The following FARS2 variants were observed in gnomAD, a reference collection of about 807,000 sequenced individuals.
The protein encoded by FARS2 is phenylalanyl-tRNA synthetase 2, mitochondrial, also known as phenylalanine--tRNA ligase, mitochondrial.
Under a neutral mutation model 46.4 loss-of-function variants are expected in FARS2, and 40 were observed. The ratio of observed to expected loss-of-function variants is 0.86; its 90% CI spans 0.67 to 1.12. FARS2 has a LOEUF of 1.12. FARS2 is among the 50% of genes most tolerant of loss of function. FARS2 has a pLI of 0.00. For missense variants in FARS2, 513 were observed against 567.9 expected (o/e 0.90, Z 0.98); for synonymous variants, 234 against 214.9 (o/e 1.09, Z -0.78).
intron 5 of FARS2, among the ~76,000 whole-genome samples, chr6:5,547,194 T>C (rs1225368296): frequency 1.6e-4 from 25 of 151,898 alleles, no homozygotes; most frequent in Non-Finnish European, 2.5e-4. Flanking sequence ...TCAGGTGATC[T>C]GCCCATCTTG....
chr6:5,668,686 G>GTTTTTTTTTTTTTTTTTTTTTTTTTT (rs58819474), intron 6 of FARS2, among the ~76,000 whole-genome samples: 1 of 53,404 alleles, frequency 1.9e-5, no homozygotes, highest in African/African-American at 6.8e-5. Flanking sequence ...GTGTGTTTGG[G>GTTTTTTTTTTTTTTTTTTTTTTTTTT]TTTTTTTTTT....
At chr6:5,351,741 G>A (rs574162008) in intron 1 of FARS2, among the ~76,000 whole-genome samples, 27 of 152,316 alleles carry the variant, frequency 1.8e-4, no homozygotes, top group South Asian at 1.4e-3. Context: ...ATCATGAGAT[G>A]TGAGTAATTT....
chr6:5,302,443 G>A (rs17140150), intron 1 of FARS2, among the ~76,000 whole-genome samples: 1,865 of 152,162 alleles, frequency 0.012, 46 homozygotes, highest in African/African-American at 0.042. Context: ...GGATGACATA[G>A]GCTAATCAAG....
At chr6:5,694,588 C>G (rs1396256871) in intron 6 of FARS2, among the ~76,000 whole-genome samples, 1 of 151,988 alleles carries the variant, frequency 6.6e-6, no homozygotes, top group East Asian at 1.9e-4. Context: ...GATAAGAGAC[C>G]GAGTGTGAAT....
intron 1 of FARS2, among the ~76,000 whole-genome samples, chr6:5,299,319 T>G (rs985327547): frequency 6.6e-6 from 1 of 152,244 alleles, no homozygotes; most frequent in Non-Finnish European, 1.5e-5. Flanking sequence ...ACACTTACCC[T>G]TATTATTAAA....
chr6:5,489,662 T>C (rs1766984536), intron 4 of FARS2, among the ~76,000 whole-genome samples: 1 of 152,166 alleles, frequency 6.6e-6, no homozygotes, highest in Admixed American at 6.5e-5. Flanking sequence ...TTCTGGGCTT[T>C]ATCACTCTTT....
chr6:5,692,249 A>T (rs1757788062), intron 6 of FARS2, among the ~76,000 whole-genome samples: 1 of 152,184 alleles, frequency 6.6e-6, no homozygotes, highest in African/African-American at 2.4e-5. Flanking sequence ...CTCAGTTGGA[A>T]ATGCAGAAAT....
At chr6:5,351,670 G>T (rs1476938436) in intron 1 of FARS2, among the ~76,000 whole-genome samples, 39 of 152,018 alleles carry the variant, frequency 2.6e-4, no homozygotes. Flanking sequence ...TCCTTTATGA[G>T]CTCTTCTGGT....
chr6:5,531,341 A>G (rs1769818269), intron 4 of FARS2, among the ~76,000 whole-genome samples: 1 of 152,258 alleles, frequency 6.6e-6, no homozygotes, highest in Admixed American at 6.5e-5. Flanking sequence ...CTCACTGCGC[A>G]GGACCGTTGG....
chr6:5,460,966 C>CTGTG (rs567577090), intron 4 of FARS2, among the ~76,000 whole-genome samples: 12 of 149,282 alleles, frequency 8.0e-5, no homozygotes, highest in East Asian at 5.9e-4. Flanking sequence ...CACACCAGGG[C>CTGTG]TGTGTGTGTG....
intron 4 of FARS2, among the ~76,000 whole-genome samples, chr6:5,493,844 A>G (rs559896649): frequency 6.6e-6 from 1 of 152,392 alleles, no homozygotes; most frequent in Non-Finnish European, 1.5e-5. Flanking sequence ...CAATGACTTT[A>G]TAAAGTACAA....
rs769574194 is a variant in FARS2, at chr6:5,613,154, C to T, written c.1066-15C>T. On this transcript the variant is annotated splice_polypyrimidine_tract_variant and intron_variant, in intron 5 of 6. Coordinates refer to ENST00000274680, the MANE Select transcript of FARS2 (RefSeq NM_006567.5). ...CTAACAAGTTCATGTATCTTTTCTC[C>T]TCTTGTTTTGTTAGCCTCTTAGCAA... The T allele has an allele frequency of 1.2e-6, 2 of 1,606,434 alleles. No homozygotes were observed. Among genetic ancestry groups the T allele is most frequent in the African/African-American group, 1.3e-5 (1 of 74,638 alleles).
At chr6:5,377,420 GTTTC>G (rs1759452138) in intron 2 of FARS2, among the ~76,000 whole-genome samples, 1 of 152,174 alleles carries the variant, frequency 6.6e-6, no homozygotes, top group African/African-American at 2.4e-5. Context: ...CTCTGGGTCT[GTTTC>G]TTCCAGGATT....
rs368564110 is a variant in FARS2 at position 5,284,676 on chromosome 6, C to A, written c.-22+23016C>A. 5.9e-5 allele frequency among the ~76,000 whole-genome samples: 9 copies of A among 152,322 alleles called. No homozygotes were observed. The South Asian group carries it at 1.4e-3, about 25-fold the overall frequency. On this transcript the variant is annotated intron_variant, in intron 1 of 6. Coordinates refer to ENST00000274680, the MANE Select transcript of FARS2 (RefSeq NM_006567.5). ...ACTCCCTCACCTTGTTTACTGTCTT[C>A]CATCCCCTTCAACTCATCTGTGGCA...
chr6:5,674,096 T>C (rs1305734661), intron 6 of FARS2, among the ~76,000 whole-genome samples: 1 of 151,090 alleles, frequency 6.6e-6, no homozygotes, highest in African/African-American at 2.4e-5. Flanking sequence ...TATGTATATG[T>C]TTTATTCAAA....
At chr6:5,423,390 G>A (rs530187209) in intron 3 of FARS2, among the ~76,000 whole-genome samples, 1 of 152,114 alleles carries the variant, frequency 6.6e-6, no homozygotes, top group East Asian at 1.9e-4. Flanking sequence ...GTAGAGAAAC[G>A]ATCATATCAT....
Position 5,771,404 on chromosome 6 carries a change from T to C in FARS2, c.1331T>C (p.Leu444Pro), listed in dbSNP as rs1319977865. 3 of 1,614,160 alleles carry C rather than the reference T, an allele frequency of 1.9e-6. No homozygotes were observed. The highest frequency in any genetic ancestry group is 2.5e-6 in the Non-Finnish European group (3 of 1,180,008). The stretch of plus-strand genomic sequence containing the variant: ...GCCTTGCAGGAGGCTGCAGTCCAGC[T>C]GTTGGGTGTGGAGGGCAGGTTCTGA... ...HQALQEAAVQ[L>P]LGVEGRF The change falls in exon 7 of 7, where the codon CTG becomes CCG. Residue 444 changes from leucine to proline, a missense_variant. Physicochemically the swap from Leu to Pro is moderately conservative, Grantham distance 98. Coordinates refer to ENST00000274680, the MANE Select transcript of FARS2 (RefSeq NM_006567.5).
At chr6:5,695,083 T>C (rs990441343) in intron 6 of FARS2, 6 of 152,246 alleles carry the variant, frequency 3.9e-5, no homozygotes, top group African/African-American at 1.4e-4. Flanking sequence ...AATTCTGGTT[T>C]TTTCTTGAGC....
chr6:5,720,316 C>T lies in FARS2; in HGVS notation c.1218-50975C>T, dbSNP rs117164471. 6.6e-5 allele frequency among the ~76,000 whole-genome samples: 10 copies of T among 152,258 alleles called. No homozygotes were observed. In the East Asian group the frequency reaches 1.7e-3, roughly 26 times the overall value. On this transcript the variant is annotated intron_variant, in intron 6 of 6. Transcript: ENST00000274680. Reference sequence around the variant, plus strand: ...TGCCATTGGGTCTTCATCTAAGTAGCGCTACTCAAACGTGTATGAGCCCTA... The same window carrying T: ...TGCCATTGGGTCTTCATCTAAGTAGTGCTACTCAAACGTGTATGAGCCCTA...
Sources: allele counts gnomAD v4.1 joint callset (sites outside exome capture counted in the v4.1 genomes callset), GRCh38; gene constraint gnomAD v4.1.1; transcripts MANE v1.5; gene names NCBI Gene and HGNC (gene_info 2026-07-23, HGNC 2026-07-21).